The following GORASP2 variants were observed in gnomAD, a reference collection of about 807,000 sequenced individuals.
GORASP2 encodes the protein Golgi reassembly-stacking protein 2.
Under a neutral mutation model 45.7 loss-of-function variants are expected in GORASP2, and 22 were observed. The ratio of observed to expected loss-of-function variants is 0.48; its 90% CI spans 0.34 to 0.69. GORASP2 has a LOEUF of 0.69. Ranked by LOEUF, GORASP2 falls within the 30% of genes least tolerant of loss-of-function variation. The probability of loss-of-function intolerance (pLI) is 0.01; values close to 1 mark genes in which losing one functional copy is unlikely to be tolerated. For synonymous variants in GORASP2, 221 were observed against 215.6 expected (o/e 1.02, Z -0.22); for missense variants, 491 against 562.7 (o/e 0.87, Z 1.29).
intron 1 of GORASP2, among the ~76,000 whole-genome samples, chr2:170,934,259 G>T (rs6730175): frequency 0.5 from 71,730 of 143,546 alleles, 18,800 homozygotes; most frequent in East Asian, 0.88. Flanking sequence ...TTTTTTTTTT[G>T]TTGTTGTTGT....
intron 1 of GORASP2, among the ~76,000 whole-genome samples, chr2:170,930,746 A>T (rs1298616592): frequency 1.3e-5 from 2 of 152,100 alleles, no homozygotes; most frequent in Non-Finnish European, 2.9e-5. Context: ...AGCCACACTG[A>T]GAGAGGAAAT....
chr2:170,966,461 C>G lies in GORASP2; in HGVS notation c.*331C>G. 1 of 404,404 alleles carries G rather than the reference C, an allele frequency of 2.5e-6. No homozygotes were observed. The highest frequency in any genetic ancestry group is 4.5e-6 in the Non-Finnish European group (1 of 222,372). 25.1% of individuals were successfully genotyped at this position (404,404 alleles called of 1,614,324 possible). A position where few individuals can be genotyped will look rare whatever the true frequency, so the allele number is the denominator to read the frequency against. ...GGGCGTCCACTAGGTTTCCTGTCCC[C>G]TGCTGCTCCTTCCGTAAGAAAATGA... On this transcript the variant is annotated 3_prime_UTR_variant, in exon 10 of 10. Transcript: ENST00000234160.
chr2:170,935,394 A>G (rs1358751830), intron 1 of GORASP2, among the ~76,000 whole-genome samples: 2 of 151,902 alleles, frequency 1.3e-5, no homozygotes, highest in Admixed American at 6.6e-5. Flanking sequence ...GGCTGGGATT[A>G]TAGGCACCCA....
chr2:170,941,574 A>G (rs934294609), intron 1 of GORASP2, among the ~76,000 whole-genome samples: 10 of 152,204 alleles, frequency 6.6e-5, no homozygotes, highest in Admixed American at 3.3e-4. Context: ...TTCTAACAGC[A>G]TAGATGAGTT....
At chr2:170,944,183 G>A (rs1009750750) in intron 1 of GORASP2, among the ~76,000 whole-genome samples, 1 of 152,164 alleles carries the variant, frequency 6.6e-6, no homozygotes, top group Admixed American at 6.5e-5. Context: ...GAGAGATTAC[G>A]TGCCAGGAGA....
intron 7 of GORASP2, among the ~76,000 whole-genome samples, chr2:170,959,835 T>TA (rs1704511978): frequency 6.7e-6 from 1 of 149,532 alleles, no homozygotes; most frequent in Non-Finnish European, 1.5e-5. Context: ...TTTTTTTTTT[T>TA]TTTTGAGACG....
intron 3 of GORASP2, chr2:170,949,968 T>C (rs1468277930): frequency 1.8e-6 from 1 of 566,170 alleles, no homozygotes; most frequent in African/African-American, 1.9e-5. Context: ...ATTTATTCAT[T>C]ATAAGATGTG....
chr2:170,953,172 CT>C (rs1297662730), intron 5 of GORASP2, among the ~76,000 whole-genome samples: 1 of 151,842 alleles, frequency 6.6e-6, no homozygotes, highest in Non-Finnish European at 1.5e-5. Flanking sequence ...CCTGGGCAAC[CT>C]GAAGAACCGT....
intron 1 of GORASP2, among the ~76,000 whole-genome samples, chr2:170,943,208 C>T (rs990421671): frequency 2.0e-5 from 3 of 152,190 alleles, no homozygotes; most frequent in Non-Finnish European, 4.4e-5. Context: ...TTAGAGCTGC[C>T]ATCCATCTGG....
chr2:170,962,966 C>T lies in GORASP2; in HGVS notation c.1018+20C>T. On this transcript the variant is annotated intron_variant, in intron 9 of 9. Coordinates refer to ENST00000234160, the MANE Select transcript of GORASP2 (RefSeq NM_015530.5). The stretch of plus-strand genomic sequence containing the variant: ...ACCCAGGTATGTTGCAGATCTCACC[C>T]TCCTAGGACTCTCTCTAATAAAAGT... 1 of 1,457,512 alleles carries T rather than the reference C, an allele frequency of 6.9e-7. No individual in the cohort carries two copies. Among genetic ancestry groups the T allele is most frequent in the African/African-American group, 1.4e-5 (1 of 72,170 alleles). The allele number at this position is 1,457,512 out of a possible 1,614,324, so 90.3% of individuals were successfully genotyped here. A position where few individuals can be genotyped will look rare whatever the true frequency, so the allele number is the denominator to read the frequency against.
chr2:170,936,249 C>G (rs1303556994), intron 1 of GORASP2, among the ~76,000 whole-genome samples: 8 of 97,204 alleles, frequency 8.2e-5, no homozygotes, highest in South Asian at 3.7e-4. Flanking sequence ...TTTTTTGAAG[C>G]AGGGTCGCAC....
At chr2:170,952,549 G>A (rs1704322459) in intron 5 of GORASP2, among the ~76,000 whole-genome samples, 1 of 152,120 alleles carries the variant, frequency 6.6e-6, no homozygotes, top group South Asian at 2.1e-4. Context: ...TGCCTCAAGT[G>A]CATTGTCTAT....
At chr2:170,941,661 A>T (rs1162518508) in intron 1 of GORASP2, among the ~76,000 whole-genome samples, 1 of 152,148 alleles carries the variant, frequency 6.6e-6, no homozygotes, top group Non-Finnish European at 1.5e-5. Flanking sequence ...TTGCTCGGAT[A>T]TTGCTTGTGA....
chr2:170,961,806 A>G lies in GORASP2; in HGVS notation c.910+57A>G, dbSNP rs1428012666. 2.0e-5 allele frequency: 18 copies of G among 890,076 alleles called. No homozygotes were observed. The East Asian group carries it at 2.6e-4, about 13-fold the overall frequency. 55.1% of individuals were successfully genotyped at this position (890,076 alleles called of 1,614,324 possible). A position where few individuals can be genotyped will look rare whatever the true frequency, so the allele number is the denominator to read the frequency against. ...TAATAACAGTATTACTGATATTTGC[A>G]TCTTAAAAACAATGAAAAATATTAT... On this transcript the variant is annotated intron_variant, in intron 8 of 9. Transcript: ENST00000234160.
chr2:170,939,263 A>G (rs1390505252), intron 1 of GORASP2, among the ~76,000 whole-genome samples: 1 of 152,184 alleles, frequency 6.6e-6, no homozygotes, highest in African/African-American at 2.4e-5. Flanking sequence ...AATTGCTTGA[A>G]TGTTAAAAAT....
At chr2:170,929,622 C>T in intron 1 of GORASP2, 1 of 591,526 alleles carries the variant, frequency 1.7e-6, no homozygotes, top group East Asian at 3.3e-5. Flanking sequence ...TGTAGGAGGA[C>T]GGGCTGGAGC....
chr2:170,935,739 T>A (rs1473306346), intron 1 of GORASP2, among the ~76,000 whole-genome samples: 1 of 152,002 alleles, frequency 6.6e-6, no homozygotes, highest in African/African-American at 2.4e-5. Context: ...CATGCCCAGC[T>A]AATTTTTTGT....
At position 170,949,529 on chromosome 2, in the gene GORASP2, G is replaced by C; in HGVS notation, c.145-10G>C. 6.2e-7 allele frequency: 1 copy of C among 1,605,226 alleles called. No homozygotes were observed. The highest frequency in any genetic ancestry group is 8.5e-7 in the Non-Finnish European group (1 of 1,172,234). On this transcript the variant is annotated splice_polypyrimidine_tract_variant and intron_variant, in intron 2 of 9. Coordinates refer to ENST00000234160, the MANE Select transcript of GORASP2 (RefSeq NM_015530.5). ...ATTTACTAAGGAATGTGATTTCTAT[G>C]TGTTCACAGAATAAAGACAATGACA...
intron 1 of GORASP2, among the ~76,000 whole-genome samples, chr2:170,945,218 T>C (rs1486496062): frequency 1.3e-5 from 2 of 152,016 alleles, no homozygotes; most frequent in East Asian, 1.9e-4. Flanking sequence ...CCTAGTGCTT[T>C]GGGAGGCTGA....
Sources: gnomAD v4.1 joint callset for allele counts (sites outside exome capture counted in the v4.1 genomes callset) on GRCh38, gnomAD v4.1.1 for gene constraint, MANE v1.5 for transcripts, NCBI Gene and HGNC (gene_info 2026-07-23, HGNC 2026-07-21) for gene names.